ZNF362: variants seen among roughly 807,000 people sequenced by gnomAD.
ZNF362 encodes rotund homolog.
A neutral mutation model predicts 42.9 loss-of-function variants in ZNF362; 11 were observed. That is an observed-to-expected ratio of 0.26 (90% CI 0.16 to 0.42). The LOEUF (loss-of-function observed/expected upper bound fraction) is 0.42. Among genes scored for constraint, ZNF362 ranks in the 20% least tolerant of loss-of-function variants. The pLI, the probability that ZNF362 is intolerant of heterozygous loss-of-function variation, is 1.00. For missense variants in ZNF362, 362 were observed against 576.2 expected (o/e 0.63, Z 3.81); for synonymous variants, 255 against 257.3 (o/e 0.99, Z 0.09).
the ZNF362 span, among the ~76,000 whole-genome samples, chr1:33,141,226 C>T: frequency 1.3e-5 from 2 of 151,872 alleles, no homozygotes; most frequent in African/African-American, 4.8e-5. Flanking sequence ...CTTGTACCCC[C>T]GCAGACCTTC....
intron 2 of ZNF362, among the ~76,000 whole-genome samples, chr1:33,270,884 G>A (rs1435754395): frequency 6.6e-6 from 1 of 152,188 alleles, no homozygotes; most frequent in Non-Finnish European, 1.5e-5. Flanking sequence ...GGTGCTGTCT[G>A]TCCGCATGTT....
the ZNF362 span, among the ~76,000 whole-genome samples, chr1:33,128,728 A>G: frequency 6.6e-6 from 1 of 152,336 alleles, no homozygotes; most frequent in East Asian, 1.9e-4. Flanking sequence ...AGGTCCTATA[A>G]CTTGTCTCTC....
intron 6 of ZNF362, among the ~76,000 whole-genome samples, chr1:33,292,698 C>T (rs1646088098): frequency 6.6e-6 from 1 of 152,176 alleles, no homozygotes; most frequent in Non-Finnish European, 1.5e-5. Flanking sequence ...CCGTCTGGTC[C>T]TGGACTTGGT....
At chr1:33,135,353 C>T in the ZNF362 span, among the ~76,000 whole-genome samples, 1 of 152,168 alleles carries the variant, frequency 6.6e-6, no homozygotes, top group Non-Finnish European at 1.5e-5. Context: ...CAGGCCTTCA[C>T]GCTATTCATG....
the ZNF362 span, among the ~76,000 whole-genome samples, chr1:33,161,134 G>A: frequency 4.6e-5 from 7 of 152,342 alleles, no homozygotes; most frequent in African/African-American, 7.2e-5. The surrounding 1 kb of genome is among the most constrained non-coding windows in gnomAD (Gnocchi z 4.3). Flanking sequence ...ATGAAATGAG[G>A]GGGTGTTGTT....
At chr1:33,283,182 C>G (rs1327430700) in intron 6 of ZNF362, among the ~76,000 whole-genome samples, 1 of 152,134 alleles carries the variant, frequency 6.6e-6, no homozygotes, top group Non-Finnish European at 1.5e-5. Flanking sequence ...GGCTGGAGTG[C>G]AGTGTCATGA....
At chr1:33,145,901 C>G in the ZNF362 span, 1 of 471,170 alleles carries the variant, frequency 2.1e-6, no homozygotes. Context: ...AGCCAAGGTT[C>G]TGGATCTGAC....
At chr1:33,166,476 A>G in the ZNF362 span, among the ~76,000 whole-genome samples, 5 of 152,162 alleles carry the variant, frequency 3.3e-5, no homozygotes, top group African/African-American at 1.2e-4. Context: ...TCCGAGGGCT[A>G]CAGTGGGCTG....
intron 2 of ZNF362, among the ~76,000 whole-genome samples, chr1:33,274,307 G>T (rs554269568): frequency 1.7e-4 from 26 of 152,346 alleles, no homozygotes; most frequent in Admixed American, 5.9e-4. Flanking sequence ...TCTGAATTCA[G>T]TTTCCTGAGC....
chr1:33,231,398 G>A, the ZNF362 span, among the ~76,000 whole-genome samples: 1,414 of 152,178 alleles, frequency 9.3e-3, 24 homozygotes, highest in African/African-American at 0.032. Flanking sequence ...ACATTTTCTC[G>A]TGCTTTAGCT....
At chr1:33,157,652 C>A in the ZNF362 span, among the ~76,000 whole-genome samples, 1 of 152,136 alleles carries the variant, frequency 6.6e-6, no homozygotes, top group South Asian at 2.1e-4. Flanking sequence ...CTGATGTGAA[C>A]TCTTATGTAC....
At chr1:33,290,095 T>A (rs937709394) in intron 6 of ZNF362, among the ~76,000 whole-genome samples, 1 of 152,046 alleles carries the variant, frequency 6.6e-6, no homozygotes, top group African/African-American at 2.4e-5. Context: ...GTGGGTTTTT[T>A]TTTATTTTTT....
At chr1:33,236,546 A>ATAT in the ZNF362 span, among the ~76,000 whole-genome samples, 39 of 7,284 alleles carry the variant, frequency 5.4e-3, no homozygotes, top group Admixed American at 0.014. Flanking sequence ...AAAAAAAAAA[A>ATAT]AAAAATATAT....
At chr1:33,256,419 T>C, upstream of ZNF362, 1 of 140,324 alleles carries the variant, frequency 7.1e-6, no homozygotes, top group Middle Eastern at 3.4e-3. Context: ...CCGAGCGCAC[T>C]GGGGGCCGCG....
chr1:33,247,439 C>T, the ZNF362 span, among the ~76,000 whole-genome samples: 2 of 150,472 alleles, frequency 1.3e-5, no homozygotes, highest in Admixed American at 6.6e-5. Flanking sequence ...CTTGCCCTAA[C>T]GCTGGCGTTC....
intron 8 of ZNF362, among the ~76,000 whole-genome samples, chr1:33,297,511 C>CCTTT (rs1491222633): frequency 1.3e-5 from 1 of 78,908 alleles, no homozygotes; most frequent in Admixed American, 1.3e-4. Flanking sequence ...TACATGATTC[C>CCTTT]TCTTTTTTTT....
the ZNF362 span, among the ~76,000 whole-genome samples, chr1:33,225,200 T>A: frequency 6.6e-6 from 1 of 152,166 alleles, no homozygotes; most frequent in Non-Finnish European, 1.5e-5. Context: ...GCCCTCATCA[T>A]CTTTAAGTCC....
the ZNF362 span, among the ~76,000 whole-genome samples, chr1:33,136,586 T>C: frequency 6.6e-6 from 1 of 151,104 alleles, no homozygotes; most frequent in Non-Finnish European, 1.5e-5. Flanking sequence ...GGCAGGCTGG[T>C]CTTGAACTCC....
chr1:33,159,696 C>T, the ZNF362 span: 1 of 1,607,614 alleles, frequency 6.2e-7, no homozygotes, highest in African/African-American at 1.3e-5. This position sits in a 1 kb window ranked among gnomAD's most constrained non-coding sequence, Gnocchi z 4.2. Context: ...ACCGCTCGGA[C>T]AGTGAGGCCA....
Sources: allele counts gnomAD v4.1 joint callset (sites outside exome capture counted in the v4.1 genomes callset), GRCh38; gene constraint gnomAD v4.1.1; non-coding constraint Gnocchi (gnomAD v3.1); transcripts MANE v1.5; gene names NCBI Gene and HGNC (gene_info 2026-07-23, HGNC 2026-07-21).